WFDC8: variants seen among roughly 807,000 people sequenced by gnomAD.
WFDC8 encodes the protein WAP four-disulfide core domain protein 8.
A neutral mutation model predicts 27.0 loss-of-function variants in WFDC8; 24 were observed. That is an observed-to-expected ratio of 0.89 (90% CI 0.64 to 1.25). The LOEUF (loss-of-function observed/expected upper bound fraction) is 1.25. Among genes scored for constraint, WFDC8 ranks in the 50% most tolerant of loss-of-function variants. The pLI is 0.00. For synonymous variants in WFDC8, 106 were observed against 99.7 expected (o/e 1.06, Z -0.38); for missense variants, 287 against 295.9 (o/e 0.97, Z 0.22).
chr20:45,567,634 G>A (rs1372531953), intron 1 of WFDC8, among the ~76,000 whole-genome samples: 1 of 152,096 alleles, frequency 6.6e-6, no homozygotes, highest in Non-Finnish European at 1.5e-5. Flanking sequence ...TTAAATAATA[G>A]AGACAAAGGA....
At chr20:45,559,094 C>A in intron 2 of WFDC8, 102 bp from the exon 3 acceptor site, 1 of 1,439,866 alleles carries the variant, frequency 6.9e-7, no homozygotes. Context: ...CTATCCTCTA[C>A]CTTCGATTCT....
At chr20:45,557,507 A>G (rs1980305697) in intron 3 of WFDC8, among the ~76,000 whole-genome samples, 1 of 152,140 alleles carries the variant, frequency 6.6e-6, no homozygotes, top group Non-Finnish European at 1.5e-5. Flanking sequence ...ATCTCAGCTC[A>G]TTGCAACCTC....
intron 1 of WFDC8, among the ~76,000 whole-genome samples, chr20:45,564,323 C>T (rs1980570509): frequency 6.6e-6 from 1 of 152,152 alleles, no homozygotes; most frequent in African/African-American, 2.4e-5. Flanking sequence ...TTTGTAATCT[C>T]AGCACTTTGA....
intron 3 of WFDC8, among the ~76,000 whole-genome samples, 156 bp from the exon 4 acceptor site, chr20:45,556,024 T>C (rs1187603371): frequency 6.6e-6 from 1 of 152,198 alleles, no homozygotes; most frequent in Non-Finnish European, 1.5e-5. Context: ...TGGTCCCAGT[T>C]CTACTACTAA....
At position 45,551,963 on chromosome 20, in the gene WFDC8, G is replaced by A. The variant is rs1184124551; in HGVS notation, c.*63C>T. The A allele has an allele frequency of 1.3e-6, 2 of 1,577,456 alleles. No individual in the cohort carries two copies. Among genetic ancestry groups the A allele is most frequent in the African/African-American group, 2.7e-5 (2 of 73,884 alleles). On this transcript the variant is annotated 3_prime_UTR_variant, in exon 6 of 6. Coordinates refer to ENST00000289953, the MANE Select transcript of WFDC8 (RefSeq NM_130896.3). ...GGCAAGTTGGATACAAGACAAAACT[G>A]ACAGCTCTTTATCATGCTACTCATA...
chr20:45,567,322 A>T (rs747213246), intron 1 of WFDC8, among the ~76,000 whole-genome samples: 2 of 152,222 alleles, frequency 1.3e-5, no homozygotes, highest in Admixed American at 6.5e-5. Context: ...ACACTCAAAT[A>T]ATAAGCCACA....
At chr20:45,570,445 A>G (rs1461167277) in intron 1 of WFDC8, among the ~76,000 whole-genome samples, 1 of 63,452 alleles carries the variant, frequency 1.6e-5, no homozygotes, top group African/African-American at 4.9e-5. Context: ...AAAAATTAAT[A>G]TTTACATGTT....
intron 1 of WFDC8, among the ~76,000 whole-genome samples, chr20:45,564,674 CAA>C (rs59225489): frequency 0.022 from 2,582 of 119,616 alleles, 87 homozygotes; most frequent in Admixed American, 0.12. Flanking sequence ...GACTCTGTCT[CAA>C]AAAAAAAAAA....
chr20:45,577,728 C>A (rs1024703528), intron 1 of WFDC8, among the ~76,000 whole-genome samples: 2 of 148,154 alleles, frequency 1.3e-5, no homozygotes, highest in African/African-American at 4.9e-5. Context: ...AAAGACAGGG[C>A]CAGCACGGTG....
At chr20:45,552,246 C>A in intron 5 of WFDC8, 81 bp from the exon 6 acceptor site, 1 of 1,545,790 alleles carries the variant, frequency 6.5e-7, no homozygotes, top group South Asian at 1.2e-5. Flanking sequence ...TTGGGAATCT[C>A]AAACAAGGTT....
At chr20:45,553,066 C>T in intron 5 of WFDC8, 70 bp downstream of exon 5, 1 of 1,545,340 alleles carries the variant, frequency 6.5e-7, no homozygotes. Flanking sequence ...ACACCCCCCA[C>T]TCCATGGAGA....
At position 45,577,725 on chromosome 20, in the gene WFDC8, G is replaced by A. The variant is rs971391197; in HGVS notation, c.26+1497C>T. ...TATACATGTTTAAAAAATAAAGACAGGGCCAGCACGGTGGCTCATGCCTGT... is the reference window on the plus strand; with the variant it reads ...TATACATGTTTAAAAAATAAAGACAAGGCCAGCACGGTGGCTCATGCCTGT... On this transcript the variant is annotated intron_variant, in intron 1 of 5. Transcript: ENST00000289953. Among the ~76,000 whole-genome samples the A allele has an allele frequency of 8.1e-5, 12 of 147,860 alleles. 1 individual carries two copies. Among genetic ancestry groups the A allele is most frequent in the Non-Finnish European group, 1.8e-4 (12 of 66,606 alleles).
At chr20:45,556,018 C>T (rs950687587) in intron 3 of WFDC8, 150 bp from the exon 4 acceptor site, 1 of 696,164 alleles carries the variant, frequency 1.4e-6, no homozygotes, top group Non-Finnish European at 2.4e-6. Flanking sequence ...AGGTTCTGGT[C>T]CCAGTTCTAC....
At chr20:45,564,720 T>A (rs191011543) in intron 1 of WFDC8, among the ~76,000 whole-genome samples, 46 of 149,056 alleles carry the variant, frequency 3.1e-4, no homozygotes, top group Non-Finnish European at 4.4e-4. Context: ...CGCACACCTG[T>A]GGTTCTAGCT....
intron 3 of WFDC8, 57 bp from the exon 4 acceptor site, chr20:45,555,925 T>C (rs1980230981): frequency 6.5e-7 from 1 of 1,548,250 alleles, no homozygotes; most frequent in African/African-American, 1.4e-5. Context: ...AAGAACAGGG[T>C]CAGTTCCCTA....
chr20:45,565,086 AAGAG>A (rs1234579652), intron 1 of WFDC8, among the ~76,000 whole-genome samples: 1 of 147,880 alleles, frequency 6.8e-6, no homozygotes, highest in African/African-American at 2.5e-5. Context: ...AAGAAAGAGA[AAGAG>A]GGAGGGAAAG....
rs1980214471 is a variant in WFDC8 at position 45,555,699 on chromosome 20, A to G, written c.445+2T>C. The G allele has an allele frequency of 6.2e-7, 1 of 1,612,276 alleles. No individual in the cohort carries two copies. Among genetic ancestry groups the G allele is most frequent in the Non-Finnish European group, 8.5e-7 (1 of 1,179,958 alleles). On this transcript the variant is annotated splice_donor_variant, in intron 4 of 5. Transcript: ENST00000289953. LOFTEE classifies it high-confidence loss of function. ...CTCAGATTTCCAGGATAGAGGTCTC[A>G]CCAATTAACATGCAGGCCGTTCTGC...
chr20:45,573,626 C>T (rs1034962346), intron 1 of WFDC8, among the ~76,000 whole-genome samples: 1 of 152,154 alleles, frequency 6.6e-6, no homozygotes, highest in African/African-American at 2.4e-5. Flanking sequence ...CTGCAAAAGA[C>T]ATTATTTCAT....
rs1980229138 is a variant in WFDC8, at chr20:45,555,874, G to A, written c.278-6C>T. On this transcript the variant is annotated splice_region_variant and splice_polypyrimidine_tract_variant and intron_variant, in intron 3 of 5. Transcript: ENST00000289953. ...CACAGGTAGCATGCAGGGTTCTGAG[G>A]TCAGGAAGCAAGGAAAGAAGGATAT... 6.2e-7 allele frequency: 1 copy of A among 1,613,156 alleles called. No homozygotes were observed. Among genetic ancestry groups the A allele is most frequent in the East Asian group, 2.2e-5 (1 of 44,872 alleles).
Sources: allele counts gnomAD v4.1 joint callset (sites outside exome capture counted in the v4.1 genomes callset), GRCh38; gene constraint gnomAD v4.1.1; transcripts MANE v1.5; gene names NCBI Gene and HGNC (gene_info 2026-07-23, HGNC 2026-07-21).